Variants in SUSD6 observed in about 807,000 individuals in gnomAD.
The protein encoded by SUSD6 is sushi domain-containing protein 6.
Under a neutral mutation model 28.4 loss-of-function variants are expected in SUSD6, and 16 were observed. The observed-to-expected ratio is 0.56, with a 90% CI of 0.38 to 0.86. The LOEUF (loss-of-function observed/expected upper bound fraction) is 0.86, where lower values mean the gene tolerates loss of function less well. SUSD6 is among the 40% of genes least tolerant of loss of function. SUSD6 has a pLI of 0.00. For missense variants in SUSD6, 341 were observed against 384.2 expected, an observed-to-expected ratio of 0.89 and a Z score of 0.94; for synonymous variants, 147 against 159.6, an observed-to-expected ratio of 0.92 and a Z score of 0.59.
chr14:69,675,404 C>T (rs576750211), intron 2 of SUSD6, among the ~76,000 whole-genome samples: 1 of 152,344 alleles, frequency 6.6e-6, no homozygotes, highest in East Asian at 1.9e-4. Flanking sequence ...AGCACCTCCT[C>T]CTGGCCCTGG....
At chr14:69,612,241 A>C (rs892854869) in intron 1 of SUSD6, among the ~76,000 whole-genome samples, 2 of 152,130 alleles carry the variant, frequency 1.3e-5, no homozygotes, top group Non-Finnish European at 2.9e-5. Flanking sequence ...TACTGCCCTC[A>C]GCCCAGCAAA....
At chr14:69,643,445 A>G (rs906173457) in intron 1 of SUSD6, among the ~76,000 whole-genome samples, 2 of 152,232 alleles carry the variant, frequency 1.3e-5, no homozygotes, top group Non-Finnish European at 2.9e-5. Context: ...ATAATCTGTA[A>G]CTTTACCCAT....
intron 5 of SUSD6, 77 bp downstream of exon 5, chr14:69,709,181 T>A: frequency 3.9e-6 from 5 of 1,282,376 alleles, no homozygotes; most frequent in Non-Finnish European, 5.4e-6. Flanking sequence ...TGTGAGCCTT[T>A]CTAAATAATT....
At position 69,703,465 on chromosome 14, in the gene SUSD6, G is replaced by A. The variant is rs765390095; in HGVS notation, c.192G>A (p.Leu64=). ...ICHPRPCRDP[L]TAGSVIEYLC... is the part of the protein sequence containing the mutation. ...ACCCCCGGCCCTGCAGAGACCCCCT[G>A]ACAGCAGGCAGTGTCATCGAATACC... Residue 64 remains leucine (L), a synonymous_variant, in exon 3 of 6, where the codon CTG becomes CTA. Transcript: ENST00000342745. The A allele has an allele frequency of 3.7e-6, 6 of 1,614,026 alleles. No individual in the cohort carries two copies. Among genetic ancestry groups the A allele is most frequent in the East Asian group, 2.2e-5 (1 of 44,896 alleles).
rs767368172 is a variant in SUSD6 at position 69,715,059 on chromosome 14, T to C, written c.*4080T>C. The stretch of plus-strand genomic sequence containing the variant: ...TGGGTGTGAAGATAGTATTTTAATA[T>C]TTGTACAAAGTTTAATTTAATTTTA... On this transcript the variant is annotated 3_prime_UTR_variant, in exon 6 of 6. Transcript: ENST00000342745. 6.6e-6 allele frequency: 1 copy of C among 152,180 alleles called. No individual in the cohort carries two copies. Among genetic ancestry groups the C allele is most frequent in the Non-Finnish European group, 1.5e-5 (1 of 68,026 alleles). 9.4% of individuals were successfully genotyped at this position (152,180 alleles called of 1,614,324 possible). A position where few individuals can be genotyped will look rare whatever the true frequency, so the allele number is the denominator to read the frequency against.
intron 2 of SUSD6, among the ~76,000 whole-genome samples, chr14:69,679,982 A>G (rs958315663): frequency 6.6e-6 from 1 of 152,194 alleles, no homozygotes; most frequent in Non-Finnish European, 1.5e-5. Context: ...CTATCTGAAT[A>G]TAATTTTTTG....
chr14:69,697,984 A>G (rs778405529), intron 2 of SUSD6, among the ~76,000 whole-genome samples: 1 of 152,226 alleles, frequency 6.6e-6, no homozygotes, highest in African/African-American at 2.4e-5. Flanking sequence ...GATCTCACAC[A>G]AGAAATAATT....
intron 2 of SUSD6, among the ~76,000 whole-genome samples, chr14:69,692,688 G>A (rs1366150290): frequency 6.6e-6 from 1 of 152,172 alleles, no homozygotes; most frequent in Admixed American, 6.5e-5. Flanking sequence ...GCCTGGGACT[G>A]TACTTGGCAT....
chr14:69,649,276 A>G (rs1367100573), intron 1 of SUSD6, among the ~76,000 whole-genome samples: 4 of 152,226 alleles, frequency 2.6e-5, no homozygotes, highest in Non-Finnish European at 4.4e-5. Context: ...ATTGCAGTAT[A>G]GTCATTGGAG....
chr14:69,695,886 C>T lies in SUSD6; in HGVS notation c.122-7509C>T, dbSNP rs191723020. ...GGAGGCTTCAGAAGAAACCTTTTGA[C>T]CATATCAGATGTCATCACTTGTTTT... On this transcript the variant is annotated intron_variant, in intron 2 of 5. Transcript: ENST00000342745. Among the ~76,000 whole-genome samples the T allele has an allele frequency of 9.8e-5, 15 of 152,316 alleles. No individual in the cohort carries two copies. The East Asian group carries it at 1.7e-3, about 18-fold the overall frequency.
rs550091793 is a variant in SUSD6 at position 69,703,587 on chromosome 14, A to G, written c.314A>G (p.Asn105Ser). ...KPAMEISCRL[N>S]EDKDTHTSLG... ...GCCATGGAGATTAGCTGCCGTCTCAACGAGGGTCAGTCTGGCAGATGAAAA... is the reference window on the plus strand; with the variant it reads ...GCCATGGAGATTAGCTGCCGTCTCAGCGAGGGTCAGTCTGGCAGATGAAAA... Residue 105 changes from asparagine to serine, a missense_variant, in exon 3 of 6, where the codon AAC (asparagine) becomes AGC (serine). By Grantham distance (46) the Asn-to-Ser change is conservative. Transcript: ENST00000342745. 3 of 1,614,124 alleles carry G rather than the reference A, an allele frequency of 1.9e-6. No individual in the cohort carries two copies. The East Asian group carries it at 6.7e-5, about 36-fold the overall frequency.
intron 1 of SUSD6, among the ~76,000 whole-genome samples, chr14:69,633,318 AG>A (rs1885220923): frequency 1.3e-5 from 2 of 152,362 alleles, no homozygotes; most frequent in South Asian, 2.1e-4. Context: ...ACAGATGCTA[AG>A]AAAACCAGCA....
At position 69,712,191 on chromosome 14, in the gene SUSD6, C is replaced by T. The variant is rs1886473480; in HGVS notation, c.*1212C>T. ...CCTACTTCTGCCCTTCCCTGCCACC[C>T]CTCGCATGTCACAGCTGACAAGCAA... On this transcript the variant is annotated 3_prime_UTR_variant, in exon 6 of 6. Transcript: ENST00000342745. 1 of 152,742 alleles carries T rather than the reference C, an allele frequency of 6.5e-6. No homozygotes were observed. Among genetic ancestry groups the T allele is most frequent in the Non-Finnish European group, 1.5e-5 (1 of 68,456 alleles). 9.5% of individuals were successfully genotyped at this position (152,742 alleles called of 1,614,324 possible).
intron 1 of SUSD6, among the ~76,000 whole-genome samples, chr14:69,640,375 C>A (rs958177668): frequency 2.0e-5 from 3 of 151,774 alleles, no homozygotes; most frequent in African/African-American, 7.3e-5. Flanking sequence ...ACTCTGTTGC[C>A]CAGGTTGGAG....
intron 1 of SUSD6, among the ~76,000 whole-genome samples, chr14:69,645,685 T>C (rs1451898044): frequency 6.6e-6 from 1 of 151,982 alleles, no homozygotes; most frequent in Non-Finnish European, 1.5e-5. Flanking sequence ...TATCATCCAG[T>C]CTTTCTTCTC....
At chr14:69,687,829 G>A (rs902084203) in intron 2 of SUSD6, among the ~76,000 whole-genome samples, 3 of 152,156 alleles carry the variant, frequency 2.0e-5, no homozygotes, top group Non-Finnish European at 2.9e-5. Flanking sequence ...AGCTGGGGAT[G>A]TCTGGCTTTG....
At chr14:69,654,337 C>G (rs544725816) in intron 1 of SUSD6, among the ~76,000 whole-genome samples, 1 of 152,326 alleles carries the variant, frequency 6.6e-6, no homozygotes, top group African/African-American at 2.4e-5. Flanking sequence ...TTCACTGTCC[C>G]TGCCTTCAAG....
In SUSD6 at chr14:69,654,788, T is replaced by TGGTGTGTG. The variant is rs1392563572; in HGVS notation, c.-80-3725_-80-3724insGGTGTGTG. Reference sequence around the variant, plus strand: ...ACCAATTTCTTTTTTTTTTTTTTTTTTGGTGTGTGTGTGTGTGTGTGTGTG... The same window carrying TGGTGTGTG: ...ACCAATTTCTTTTTTTTTTTTTTTTTGGTGTGTGTGGTGTGTGTGTGTGTGTGTGTGTG... On this transcript the variant is annotated intron_variant, in intron 1 of 5. Coordinates refer to ENST00000342745, the MANE Select transcript of SUSD6 (RefSeq NM_014734.4). Among the ~76,000 whole-genome samples the TGGTGTGTG allele has an allele frequency of 9.4e-3, 236 of 25,138 alleles. 1 individual carries two copies. The highest frequency in any genetic ancestry group is 0.018 in the African/African-American group (224 of 12,186). The allele number at this position is 25,138 out of a possible 152,430, so 16.5% of individuals were successfully genotyped here. A position where few individuals can be genotyped will look rare whatever the true frequency, so the allele number is the denominator to read the frequency against.
chr14:69,640,328 T>C (rs1351043096), intron 1 of SUSD6, among the ~76,000 whole-genome samples: 3 of 151,840 alleles, frequency 2.0e-5, no homozygotes, highest in Non-Finnish European at 4.4e-5. Context: ...CACACACACA[T>C]ATAATATATA....
Sources: allele counts gnomAD v4.1 joint callset (sites outside exome capture counted in the v4.1 genomes callset), GRCh38; gene constraint gnomAD v4.1.1; transcripts MANE v1.5; gene names NCBI Gene and HGNC (gene_info 2026-07-23, HGNC 2026-07-21).